The following PNPLA7 variants were observed in gnomAD, a reference collection of about 807,000 sequenced individuals.
PNPLA7 encodes the protein patatin-like phospholipase domain-containing protein 7.
PNPLA7 carries 153 observed loss-of-function variants against 161.7 expected under a neutral mutation model. That is an observed-to-expected ratio of 0.95 (90% CI 0.83 to 1.08). The LOEUF (loss-of-function observed/expected upper bound fraction) is 1.08, where lower values mean the gene tolerates loss of function less well. PNPLA7 is among the 50% of genes least tolerant of loss of function. The pLI is 0.00. For synonymous variants in PNPLA7, 809 were observed against 782.1 expected (o/e 1.03, Z -0.57); for missense variants, 1,739 against 1,856.6 (o/e 0.94, Z 1.16).
chr9:137,482,486 T>C (rs1001386767), intron 21 of PNPLA7, among the ~76,000 whole-genome samples: 7 of 152,366 alleles, frequency 4.6e-5, no homozygotes, highest in Admixed American at 4.6e-4. Context: ...CTGCAGAGGC[T>C]ACACCGTGTG....
chr9:137,462,530 C>T (rs1831266309), intron 30 of PNPLA7, 155 bp downstream of exon 30: 16 of 1,388,952 alleles, frequency 1.2e-5, no homozygotes, highest in Admixed American at 2.7e-5. Context: ...TGCCTTCCTT[C>T]GCCCGAGTTG....
At position 137,547,691 on chromosome 9, in the gene PNPLA7, T is replaced by C. The variant is rs1416689294; in HGVS notation, c.31-32A>G. 2 of 1,606,426 alleles carry C rather than the reference T, an allele frequency of 1.2e-6. No individual in the cohort carries two copies. Among genetic ancestry groups the C allele is most frequent in the East Asian group, 2.2e-5 (1 of 44,860 alleles). Reference sequence around the variant, plus strand: ...CAGAGAGCATGGGGTCAGGTGGGCATGGACAGGCTTCCCAGCCCGAACTTG... The same window carrying C: ...CAGAGAGCATGGGGTCAGGTGGGCACGGACAGGCTTCCCAGCCCGAACTTG... On this transcript the variant is annotated intron_variant, in intron 1 of 34. Coordinates refer to ENST00000406427, the MANE Select transcript of PNPLA7 (RefSeq NM_001098537.3). The surrounding 1 kb of genome is among the most constrained non-coding windows in gnomAD (Gnocchi z 4.6).
chr9:137,497,987 G>T, intron 17 of PNPLA7, 127 bp downstream of exon 17: 1 of 1,433,880 alleles, frequency 7.0e-7, no homozygotes, highest in Non-Finnish European at 9.4e-7. Flanking sequence ...GGGAAATCCA[G>T]CCTTCCATGT....
chr9:137,468,533 G>T lies in PNPLA7; in HGVS notation c.2883-1060C>A, dbSNP rs534025771. ...GGGAGCTCGGATGCAAGCCACAGCT[G>T]GGGGGGACCCTGGAGGCATTTGCTG... On this transcript the variant is annotated intron_variant, in intron 25 of 34. Transcript: ENST00000406427. The surrounding 1 kb of genome is among the most constrained non-coding windows in gnomAD (Gnocchi z 4.0). Among the ~76,000 whole-genome samples, 1 of 152,052 alleles carries T rather than the reference G, an allele frequency of 6.6e-6. No individual in the cohort carries two copies. The highest frequency in any genetic ancestry group is 1.5e-5 in the Non-Finnish European group (1 of 68,012).
chr9:137,520,065 C>T lies in PNPLA7; in HGVS notation c.958-22G>A, dbSNP rs769339421. On this transcript the variant is annotated intron_variant, in intron 10 of 34. Transcript: ENST00000406427. This position sits in a 1 kb window ranked among gnomAD's most constrained non-coding sequence, Gnocchi z 5.2. ...TCTCCTGGGACACAAGAAGGAAGTT[C>T]AGTGCCACCCCAGGAACACCCCACA... 3 of 1,610,856 alleles carry T rather than the reference C, an allele frequency of 1.9e-6. No individual in the cohort carries two copies. Among genetic ancestry groups the T allele is most frequent in the Admixed American group, 3.3e-5 (2 of 59,956 alleles).
intron 25 of PNPLA7, among the ~76,000 whole-genome samples, chr9:137,472,464 A>G (rs1435243311): frequency 6.6e-6 from 1 of 151,530 alleles, no homozygotes; most frequent in Non-Finnish European, 1.5e-5. Context: ...CAGCCTGGCC[A>G]ACATGGTGAA....
At chr9:137,503,918 G>GGAAGAAT (rs1833724820) in intron 14 of PNPLA7, among the ~76,000 whole-genome samples, 1 of 15,240 alleles carries the variant, frequency 6.6e-5, no homozygotes, top group African/African-American at 3.1e-4. Flanking sequence ...GAAAGAAGAA[G>GGAAGAAT]GAAGAAGAAG....
intron 15 of PNPLA7, 119 bp from the exon 16 acceptor site, chr9:137,501,015 T>A: frequency 1.2e-6 from 1 of 825,974 alleles, no homozygotes. Context: ...GCCGACCTGA[T>A]CAGCTCTGGG....
intron 14 of PNPLA7, among the ~76,000 whole-genome samples, chr9:137,504,873 C>T (rs1415679771): frequency 1.3e-5 from 2 of 152,112 alleles, no homozygotes; most frequent in East Asian, 1.9e-4. Flanking sequence ...GACACCATCA[C>T]GGCTGTCTTT....
At chr9:137,515,624 C>G in intron 11 of PNPLA7, 105 bp from the exon 12 acceptor site, 2 of 1,344,236 alleles carry the variant, frequency 1.5e-6, no homozygotes, top group Non-Finnish European at 2.0e-6. Flanking sequence ...CAGTGCCCTG[C>G]GCACCTGAAC....
rs375829795 is a variant in PNPLA7, at chr9:137,498,215, C to T, written c.1788G>A (p.Leu596=). Residue 596 remains leucine (L), a synonymous_variant, in exon 17 of 35, where the codon CTG becomes CTA. Transcript: ENST00000406427. Reference sequence around the variant, plus strand: ...TCTTCACCACAGTGTGCGCCACACCCAGGACGACGGTCGGCTGCTTCCGCA... The same window carrying T: ...TCTTCACCACAGTGTGCGCCACACCTAGGACGACGGTCGGCTGCTTCCGCA... The part of the protein sequence containing the change: ...EIMRKQPTVV[L]GVAHTVVKRM... 3.2e-5 allele frequency: 51 copies of T among 1,612,322 alleles called. No individual in the cohort carries two copies. The highest frequency in any genetic ancestry group is 4.1e-5 in the Non-Finnish European group (48 of 1,179,974).
chr9:137,501,523 G>A (rs1833415026), intron 15 of PNPLA7, 127 bp downstream of exon 15: 2 of 892,988 alleles, frequency 2.2e-6, no homozygotes, highest in Non-Finnish European at 3.4e-6. Context: ...TGCCCAGAGG[G>A]GCAGTGGCCC....
At position 137,537,119 on chromosome 9, in the gene PNPLA7, C is replaced by A. The variant is rs989459271; in HGVS notation, c.747+3523G>T. On this transcript the variant is annotated intron_variant, in intron 8 of 34. Transcript: ENST00000406427. The surrounding 1 kb of genome is among the most constrained non-coding windows in gnomAD (Gnocchi z 4.5). ...GCAAGAAAAGCTGCTCAGAAGGAAC[C>A]GAAGCGTTTTCAGTGTGAGGGGACA... Among the ~76,000 whole-genome samples the A allele has an allele frequency of 2.0e-5, 3 of 152,124 alleles. No individual in the cohort carries two copies. The highest frequency in any genetic ancestry group is 2.0e-4 in the Admixed American group (3 of 15,260).
Position 137,520,134 on chromosome 9 carries a change from G to A in PNPLA7, c.958-91C>T, listed in dbSNP as rs889293492. 5.1e-6 allele frequency: 8 copies of A among 1,556,180 alleles called. No homozygotes were observed. In the African/African-American group the frequency reaches 9.5e-5, roughly 19 times the overall value. On this transcript the variant is annotated intron_variant, in intron 10 of 34. Transcript: ENST00000406427. This position sits in a 1 kb window ranked among gnomAD's most constrained non-coding sequence, Gnocchi z 5.2. ...CTCCTCAAAGGTGTGACAGGTGTGG[G>A]CTCCTCAAAGGTGTGACAGGTGTGG...
Position 137,547,024 on chromosome 9 carries a change from TCAGA to T in PNPLA7, c.194-119_194-116del. 1 of 985,830 alleles carries T rather than the reference TCAGA, an allele frequency of 1.0e-6. No individual in the cohort carries two copies. The highest frequency in any genetic ancestry group is 1.4e-5 in the South Asian group (1 of 70,028). 61.1% of individuals were successfully genotyped at this position (985,830 alleles called of 1,614,324 possible). On this transcript the variant is annotated intron_variant, in intron 3 of 34. Transcript: ENST00000406427. This position sits in a 1 kb window ranked among gnomAD's most constrained non-coding sequence, Gnocchi z 4.6. ...CGTCCCTGCCAGTAACTGGCCATACTCAGACAGCATGAGGGAAGAGGGCCTGAGT... is the reference window on the plus strand; with the variant it reads ...CGTCCCTGCCAGTAACTGGCCATACTCAGCATGAGGGAAGAGGGCCTGAGT...
chr9:137,460,439 A>C lies in PNPLA7; in HGVS notation c.3983T>G (p.Leu1328Arg). The C allele has an allele frequency of 6.2e-7, 1 of 1,612,744 alleles. No homozygotes were observed. Residue 1328 changes from leucine (L) to arginine (R), a missense_variant, in exon 35 of 35, where the codon CTG (leucine) becomes CGG (arginine). Transcript: ENST00000406427. Reference protein sequence around the residue: ...ESSLRHRHPSLAFPKLSEGSS... With the variant: ...ESSLRHRHPSRAFPKLSEGSS... ...GCCCTCAGACAGTTTTGGGAAAGCCAGACTGGGGTGTCGATGCCGCAGTGA... is the reference window on the plus strand; with the variant it reads ...GCCCTCAGACAGTTTTGGGAAAGCCCGACTGGGGTGTCGATGCCGCAGTGA...
chr9:137,478,196 C>G, intron 24 of PNPLA7, 44 bp from the exon 25 acceptor site: 1 of 1,247,908 alleles, frequency 8.0e-7, no homozygotes, highest in South Asian at 3.1e-5. Flanking sequence ...GGGCCCCACC[C>G]TCGGCCGAGA....
At position 137,502,517 on chromosome 9, in the gene PNPLA7, A is replaced by G. The variant is rs115431827; in HGVS notation, c.1474-790T>C. The stretch of plus-strand genomic sequence containing the variant: ...GGAGGAGGATGAGAAGAATCTGAGC[A>G]GCCACATATCCAGCTCTCAGGCAGA... On this transcript the variant is annotated intron_variant, in intron 14 of 34. Coordinates refer to ENST00000406427, the MANE Select transcript of PNPLA7 (RefSeq NM_001098537.3). Among the ~76,000 whole-genome samples the G allele has an allele frequency of 4.1e-3, 606 of 147,676 alleles. 5 individuals are homozygous for G. Among genetic ancestry groups the G allele is most frequent in the African/African-American group, 0.014 (570 of 39,748 alleles).
At chr9:137,463,047 G>C (rs1831294918) in intron 29 of PNPLA7, 2 of 688,516 alleles carry the variant, frequency 2.9e-6, no homozygotes, top group Non-Finnish European at 4.8e-6. Flanking sequence ...TATCCCACAG[G>C]TGACAGGAGT....
Sources: allele counts gnomAD v4.1 joint callset (sites outside exome capture counted in the v4.1 genomes callset), GRCh38; gene constraint gnomAD v4.1.1; non-coding constraint Gnocchi (gnomAD v3.1); transcripts MANE v1.5; gene names NCBI Gene and HGNC (gene_info 2026-07-23, HGNC 2026-07-21).